The following KCTD2 variants were observed in gnomAD, a reference collection of about 807,000 sequenced individuals.
KCTD2 encodes the protein BTB/POZ domain-containing protein KCTD2.
KCTD2 carries 18 observed loss-of-function variants against 27.9 expected under a neutral mutation model. The ratio of observed to expected loss-of-function variants is 0.64; its 90% CI spans 0.45 to 0.96. The LOEUF (loss-of-function observed/expected upper bound fraction) is 0.96, where lower values mean the gene tolerates loss of function less well. Among genes scored for constraint, KCTD2 ranks in the 40% least tolerant of loss-of-function variants. The pLI is 0.00. For missense variants in KCTD2, 280 were observed against 348.0 expected, an observed-to-expected ratio of 0.80 and a Z score of 1.56; for synonymous variants, 175 against 148.4, an observed-to-expected ratio of 1.18 and a Z score of -1.30.
intron 5 of KCTD2, among the ~76,000 whole-genome samples, chr17:75,062,726 AC>A (rs1257184125): frequency 6.6e-6 from 1 of 151,134 alleles, no homozygotes; most frequent in African/African-American, 2.4e-5. Context: ...ACACACACAC[AC>A]ACACACACAC....
intron 3 of KCTD2, among the ~76,000 whole-genome samples, chr17:75,057,203 C>T (rs985934790): frequency 6.6e-6 from 1 of 152,122 alleles, no homozygotes; most frequent in African/African-American, 2.4e-5. Context: ...AGCCACCAAC[C>T]TCAGCCTCCC....
intron 2 of KCTD2, among the ~76,000 whole-genome samples, chr17:75,050,091 A>T (rs2073268998): frequency 6.6e-6 from 1 of 152,174 alleles, no homozygotes; most frequent in African/African-American, 2.4e-5. Flanking sequence ...CTCTTTTTTT[A>T]AATGTCCCTT....
intron 1 of KCTD2, among the ~76,000 whole-genome samples, chr17:75,048,182 A>T (rs144924411): frequency 1.2e-4 from 19 of 152,288 alleles, no homozygotes; most frequent in Non-Finnish European, 2.4e-4. Flanking sequence ...GAAAGAGGTT[A>T]CTGTTTGCCG....
At chr17:75,037,153 C>G (rs901244925) in intron 3 of KCTD2, among the ~76,000 whole-genome samples, 2 of 151,860 alleles carry the variant, frequency 1.3e-5, no homozygotes, top group East Asian at 1.9e-4. Flanking sequence ...GACCGTCCTG[C>G]CTAACACGAT....
upstream of KCTD2, among the ~76,000 whole-genome samples, chr17:75,043,100 A>G (rs2073177299): frequency 6.6e-6 from 1 of 151,596 alleles, no homozygotes; most frequent in Non-Finnish European, 1.5e-5. Context: ...CCCGCGCCAT[A>G]ATCCCAGCTA....
intron 4 of KCTD2, among the ~76,000 whole-genome samples, chr17:75,061,863 C>T (rs73995746): frequency 0.047 from 7,091 of 151,256 alleles, 544 homozygotes; most frequent in African/African-American, 0.16. Flanking sequence ...CTGCCGCTGA[C>T]GGGGGGGGAC....
chr17:75,042,446 A>G (rs2073170878), upstream of KCTD2: 3 of 1,559,604 alleles, frequency 1.9e-6, no homozygotes, highest in Non-Finnish European at 1.7e-6. Flanking sequence ...AAGGGCATCA[A>G]GAATTCATAT....
At chr17:75,045,987 C>T (rs969239209), upstream of KCTD2, among the ~76,000 whole-genome samples, 1 of 152,226 alleles carries the variant, frequency 6.6e-6, no homozygotes, top group Non-Finnish European at 1.5e-5. Flanking sequence ...AAAATCTTCA[C>T]AATCCACGTT....
At chr17:75,045,273 G>A (rs950814855), upstream of KCTD2, among the ~76,000 whole-genome samples, 1 of 152,208 alleles carries the variant, frequency 6.6e-6, no homozygotes, top group South Asian at 2.1e-4. Flanking sequence ...AGTGGAGGCA[G>A]GGTGAGATCA....
At chr17:75,051,664 CCA>C (rs2073289330) in intron 2 of KCTD2, among the ~76,000 whole-genome samples, 1 of 151,810 alleles carries the variant, frequency 6.6e-6, no homozygotes, top group Non-Finnish European at 1.5e-5. Flanking sequence ...GCCTCTCCCA[CCA>C]CAGTTATTTC....
chr17:75,047,968 A>T (rs73995744), intron 1 of KCTD2, among the ~76,000 whole-genome samples: 124 of 152,124 alleles, frequency 8.2e-4, no homozygotes, highest in African/African-American at 2.8e-3. Context: ...TGCCAGATGC[A>T]TCCAGAACTG....
At chr17:75,040,743 G>A (rs905441855) in intron 3 of KCTD2, 2 of 152,598 alleles carry the variant, frequency 1.3e-5, no homozygotes, top group African/African-American at 4.8e-5. Flanking sequence ...AAAATTAGCT[G>A]TGCAAGGTGG....
intron 2 of KCTD2, among the ~76,000 whole-genome samples, chr17:75,034,514 G>T (rs765681666): frequency 6.6e-6 from 1 of 152,138 alleles, no homozygotes; most frequent in African/African-American, 2.4e-5. Context: ...GCGGTAAGAC[G>T]CTAAACCCAC....
chr17:75,042,830 G>A (rs571087228), upstream of KCTD2, among the ~76,000 whole-genome samples: 8 of 152,072 alleles, frequency 5.3e-5, no homozygotes, highest in Admixed American at 2.6e-4. Context: ...GCAGTGAGTC[G>A]AGACTGCATC....
intron 4 of KCTD2, chr17:75,060,449 T>G: frequency 6.2e-7 from 1 of 1,609,556 alleles, no homozygotes; most frequent in Non-Finnish European, 8.5e-7. Context: ...TCCTCTAACA[T>G]AAGCCTTCCA....
chr17:75,040,307 A>G (rs2073146011), intron 3 of KCTD2: 1 of 918,324 alleles, frequency 1.1e-6, no homozygotes, highest in Non-Finnish European at 1.8e-6. Context: ...CTGTGTCCCA[A>G]GCGGAAACGA....
chr17:75,052,761 G>T (rs1283650313), intron 2 of KCTD2, among the ~76,000 whole-genome samples: 4 of 152,216 alleles, frequency 2.6e-5, no homozygotes, highest in African/African-American at 9.7e-5. Flanking sequence ...GGGTGTGGTG[G>T]TATGTGCCTG....
intron 3 of KCTD2, chr17:75,039,978 C>T: frequency 1.8e-6 from 2 of 1,094,178 alleles, no homozygotes; most frequent in Non-Finnish European, 2.7e-6. Context: ...ACAAGTCATT[C>T]CTTTATATGG....
chr17:75,055,456 C>A (rs775752272), intron 3 of KCTD2, among the ~76,000 whole-genome samples: 1 of 151,904 alleles, frequency 6.6e-6, no homozygotes, highest in Non-Finnish European at 1.5e-5. Context: ...TGGCTCACGC[C>A]TGTAATCCCA....
Sources: gnomAD v4.1 joint callset for allele counts (sites outside exome capture counted in the v4.1 genomes callset) on GRCh38, gnomAD v4.1.1 for gene constraint, MANE v1.5 for transcripts, NCBI Gene and HGNC (gene_info 2026-07-23, HGNC 2026-07-21) for gene names.